The following UHRF2 variants were observed in gnomAD, a reference collection of about 807,000 sequenced individuals.
UHRF2 encodes E3 ubiquitin-protein ligase UHRF2.
Under a neutral mutation model 96.8 loss-of-function variants are expected in UHRF2, and 23 were observed. The observed-to-expected ratio is 0.24, with a 90% confidence interval of 0.17 to 0.34. The LOEUF (loss-of-function observed/expected upper bound fraction) is 0.34. Among genes scored for constraint, UHRF2 ranks in the 10% least tolerant of loss-of-function variants. The pLI is 1.00. For synonymous variants in UHRF2, 385 were observed against 332.6 expected, an observed-to-expected ratio of 1.16 and a Z score of -1.72; for missense variants, 685 against 981.5, an observed-to-expected ratio of 0.70 and a Z score of 4.04.
intron 2 of UHRF2, among the ~76,000 whole-genome samples, chr9:6,423,278 T>C (rs1464166752): frequency 6.6e-6 from 1 of 152,200 alleles, no homozygotes; most frequent in Non-Finnish European, 1.5e-5. Context: ...CATTATAATG[T>C]TACCTAAGTT....
At position 6,499,928 on chromosome 9, in the gene UHRF2, G is replaced by A. The variant is rs190485928; in HGVS notation, c.2002G>A (p.Asp668Asn). Residue 668 changes from aspartate (D) to asparagine (N), a missense_variant, in exon 13 of 16, where the codon GAT becomes AAT. Transcript: ENST00000276893. ...PSGTTKRPIS[D>N]DDCPSASKVY... ...TGGAACCACAAAAAGGCCAATTTCA[G>A]ATGGTAGGTAATGATTGCAAAATAT... 3.9e-4 allele frequency: 620 copies of A among 1,607,594 alleles called. 5 individuals are homozygous for A. The South Asian group carries it at 5.1e-3, about 13-fold the overall frequency.
intron 2 of UHRF2, among the ~76,000 whole-genome samples, chr9:6,433,380 A>G (rs1001341992): frequency 6.6e-6 from 1 of 152,208 alleles, no homozygotes; most frequent in African/African-American, 2.4e-5. Flanking sequence ...GTTACTAACT[A>G]GTGATCGAAC....
At chr9:6,414,285 A>C (rs1336116454) in intron 1 of UHRF2, 4 of 152,242 alleles carry the variant, frequency 2.6e-5, no homozygotes. Context: ...GGGCATGAAG[A>C]AACTGTCGGT....
At chr9:6,499,777 C>A in intron 12 of UHRF2, 58 bp from the exon 13 acceptor site, 2 of 1,148,398 alleles carry the variant, frequency 1.7e-6, no homozygotes, top group Admixed American at 2.3e-5. Flanking sequence ...GGATCTAAAC[C>A]CCCCTTCTCT....
At chr9:6,488,225 G>A (rs1824426230) in intron 9 of UHRF2, among the ~76,000 whole-genome samples, 1 of 118,942 alleles carries the variant, frequency 8.4e-6, no homozygotes, top group Admixed American at 1.1e-4. Context: ...CAGCCTGGGT[G>A]AACAGAGAGC....
intron 14 of UHRF2, among the ~76,000 whole-genome samples, chr9:6,501,048 C>G (rs148479798): frequency 1.8e-4 from 28 of 152,210 alleles, no homozygotes; most frequent in Non-Finnish European, 3.7e-4. Flanking sequence ...GTTACCTAAC[C>G]GCATAAGTCT....
intron 4 of UHRF2, among the ~76,000 whole-genome samples, chr9:6,474,556 A>G (rs546816264): frequency 3.3e-5 from 5 of 152,284 alleles, no homozygotes; most frequent in Admixed American, 3.3e-4. Context: ...AAATACAAAA[A>G]TTAGCCGGGT....
Position 6,492,707 on chromosome 9 carries a change from G to A in UHRF2, c.1498-1119G>A, listed in dbSNP as rs1339064704. On this transcript the variant is annotated intron_variant, in intron 9 of 15. Transcript: ENST00000276893. ...ATTAAAGAATCACTATTTTGCTAGT[G>A]TTAGTAGGATTAATTGTGCACTGAT... The A allele has an allele frequency of 2.0e-5, 3 of 152,270 alleles. No individual in the cohort carries two copies. In the East Asian group the frequency reaches 5.8e-4, roughly 29 times the overall value. The allele number at this position is 152,270 out of a possible 1,614,324, so 9.4% of individuals were successfully genotyped here.
intron 3 of UHRF2, among the ~76,000 whole-genome samples, chr9:6,441,636 G>A (rs781775936): frequency 2.0e-5 from 3 of 151,846 alleles, no homozygotes; most frequent in Non-Finnish European, 2.9e-5. Context: ...ATATATGACA[G>A]TTTAACTAAA....
At chr9:6,462,651 G>C (rs1822616022) in intron 4 of UHRF2, among the ~76,000 whole-genome samples, 1 of 152,220 alleles carries the variant, frequency 6.6e-6, no homozygotes, top group Admixed American at 6.5e-5. Context: ...GGGTGCAGTG[G>C]CTCATGCCTG....
chr9:6,488,540 CTTTTTT>C (rs58280407), intron 9 of UHRF2, among the ~76,000 whole-genome samples: 4 of 83,822 alleles, frequency 4.8e-5, no homozygotes. Context: ...TTTTTCTTTT[CTTTTTT>C]TTTTTTTTTT....
chr9:6,440,583 C>G (rs941823445), intron 3 of UHRF2, among the ~76,000 whole-genome samples: 1 of 152,070 alleles, frequency 6.6e-6, no homozygotes, highest in African/African-American at 2.4e-5. Context: ...TAGACTTTGC[C>G]TGGGATTTAA....
chr9:6,419,265 A>G (rs947021947), intron 1 of UHRF2, among the ~76,000 whole-genome samples: 1 of 152,226 alleles, frequency 6.6e-6, no homozygotes, highest in African/African-American at 2.4e-5. Flanking sequence ...GTTTCCAAAT[A>G]AGGTCACATT....
rs79301344 is a variant in UHRF2, at chr9:6,480,835, A to G, written c.1161-808A>G. 5.7e-3 allele frequency among the ~76,000 whole-genome samples: 866 copies of G among 152,312 alleles called. 6 individuals are homozygous for G. The highest frequency in any genetic ancestry group is 0.02 in the African/African-American group (819 of 41,568). On this transcript the variant is annotated intron_variant, in intron 6 of 15. Transcript: ENST00000276893. ...TGAATTATTTAAATTTTTCTCTCCT[A>G]TAGTGCTCAACAAAGTATCTCATAA... is the stretch of plus-strand genomic sequence containing the variant.
intron 13 of UHRF2, 35 bp downstream of exon 13, chr9:6,499,966 C>T (rs753613885): frequency 8.1e-6 from 12 of 1,480,446 alleles, no homozygotes; most frequent in Non-Finnish European, 9.3e-6. Flanking sequence ...ATAATAATAA[C>T]ATACTTTTGT....
chr9:6,477,791 C>G lies in UHRF2; in HGVS notation c.1143C>G (p.Val381=). 4 of 1,604,808 alleles carry G rather than the reference C, an allele frequency of 2.5e-6. No homozygotes were observed. The highest frequency in any genetic ancestry group is 3.4e-6 in the Non-Finnish European group (4 of 1,173,546). Residue 381 remains valine, a synonymous_variant, in exon 6 of 16, where the codon GTC becomes GTG. Transcript: ENST00000276893. The part of the protein sequence containing the change: ...IYCLNPPLDK[V]PEEEYWYCPS... ...GTCTGAATCCACCTTTGGATAAAGT[C>G]CCAGAAGAGGAATACTGGTATGATT...
At chr9:6,417,044 G>A (rs1188104525) in intron 1 of UHRF2, among the ~76,000 whole-genome samples, 1 of 152,066 alleles carries the variant, frequency 6.6e-6, no homozygotes, top group Non-Finnish European at 1.5e-5. Flanking sequence ...TATATATGAT[G>A]TATATAACAT....
chr9:6,468,341 C>G (rs1451281448), intron 4 of UHRF2: 1 of 423,936 alleles, frequency 2.4e-6, no homozygotes, highest in African/African-American at 2.0e-5. Context: ...TGGAAAGCAC[C>G]TGTTTGCAGG....
At chr9:6,462,585 C>G (rs16924591) in intron 4 of UHRF2, among the ~76,000 whole-genome samples, 1 of 152,052 alleles carries the variant, frequency 6.6e-6, no homozygotes, top group Non-Finnish European at 1.5e-5. Context: ...AGTAGGATAA[C>G]AGCACACATA....
Sources: gnomAD v4.1 joint callset for allele counts (sites outside exome capture counted in the v4.1 genomes callset) on GRCh38, gnomAD v4.1.1 for gene constraint, MANE v1.5 for transcripts, NCBI Gene and HGNC (gene_info 2026-07-23, HGNC 2026-07-21) for gene names.